The following RPN1 variants were observed in gnomAD, a reference collection of about 807,000 sequenced individuals.
RPN1 encodes ribophorin I, also known as dolichyl-diphosphooligosaccharide--protein glycosyltransferase subunit 1.
Under a neutral mutation model 55.5 loss-of-function variants are expected in RPN1, and 12 were observed. That is an observed-to-expected ratio of 0.22 (90% CI 0.14 to 0.35). The LOEUF is 0.35. Ranked by LOEUF, RPN1 falls within the 10% of genes least tolerant of loss-of-function variation. The probability of loss-of-function intolerance (pLI) is 1.00; values close to 1 mark genes in which losing one functional copy is unlikely to be tolerated. For synonymous variants in RPN1, 317 were observed against 305.9 expected (o/e 1.04, Z -0.38); for missense variants, 679 against 761.3 (o/e 0.89, Z 1.27).
chr3:128,630,372 A>T (rs907171530), intron 4 of RPN1, among the ~76,000 whole-genome samples: 1 of 152,266 alleles, frequency 6.6e-6, no homozygotes, highest in Admixed American at 6.5e-5. Flanking sequence ...TAAATAATTA[A>T]GGGAAATGCA....
At chr3:128,629,898 A>AC (rs2069629351) in intron 5 of RPN1, 53 bp downstream of exon 5, 1 of 1,080,834 alleles carries the variant, frequency 9.3e-7, no homozygotes, top group African/African-American at 1.6e-5. Flanking sequence ...GAAAGAAAAA[A>AC]ATTCACGAAA....
intron 3 of RPN1, among the ~76,000 whole-genome samples, chr3:128,636,756 C>T (rs2069684931): frequency 6.6e-6 from 1 of 152,080 alleles, no homozygotes; most frequent in Non-Finnish European, 1.5e-5. Context: ...ACTATGTTGC[C>T]CAGACTGGTC....
chr3:128,620,338 C>G lies in RPN1; in HGVS notation c.*73G>C. On this transcript the variant is annotated 3_prime_UTR_variant, in exon 10 of 10. Transcript: ENST00000296255. Reference sequence around the variant, plus strand: ...TTTCACTGGCCTCCATGCACAACCTCCCACTACCACCCAATCTGCCTGCCA... The same window carrying G: ...TTTCACTGGCCTCCATGCACAACCTGCCACTACCACCCAATCTGCCTGCCA... 3 of 1,448,900 alleles carry G rather than the reference C, an allele frequency of 2.1e-6. 1 individual carries two copies. In the South Asian group the frequency reaches 4.0e-5, roughly 20 times the overall value. The allele number at this position is 1,448,900 out of a possible 1,614,324, so 89.8% of individuals were successfully genotyped here. A position where few individuals can be genotyped will look rare whatever the true frequency, so the allele number is the denominator to read the frequency against.
intron 6 of RPN1, among the ~76,000 whole-genome samples, 183 bp from the exon 7 acceptor site, chr3:128,626,195 A>G (rs942025060): frequency 6.6e-6 from 1 of 152,144 alleles, no homozygotes; most frequent in Non-Finnish European, 1.5e-5. Flanking sequence ...CAGTGCCAGA[A>G]AGCCCTTTGT....
chr3:128,642,741 G>A (rs2069735394), intron 2 of RPN1, among the ~76,000 whole-genome samples: 1 of 151,922 alleles, frequency 6.6e-6, no homozygotes, highest in South Asian at 2.1e-4. Flanking sequence ...GAAAAAAAGG[G>A]GTCAGGCGCA....
chr3:128,623,923 T>C (rs1200945955), intron 8 of RPN1, among the ~76,000 whole-genome samples: 1 of 151,854 alleles, frequency 6.6e-6, no homozygotes, highest in Non-Finnish European at 1.5e-5. Flanking sequence ...ACACACATGC[T>C]CAACTATTCA....
At chr3:128,642,035 A>G (rs896796756) in intron 2 of RPN1, among the ~76,000 whole-genome samples, 1 of 152,222 alleles carries the variant, frequency 6.6e-6, no homozygotes, top group Non-Finnish European at 1.5e-5. Flanking sequence ...AAAGATGCAA[A>G]AAGCACAGTC....
intron 2 of RPN1, among the ~76,000 whole-genome samples, chr3:128,639,558 GT>G: frequency 6.6e-6 from 1 of 151,552 alleles, no homozygotes; most frequent in South Asian, 2.1e-4. Context: ...AATAAGTTTA[GT>G]TTGTCTTTTC....
At chr3:128,628,596 T>C (rs966757410) in intron 5 of RPN1, among the ~76,000 whole-genome samples, 2 of 150,792 alleles carry the variant, frequency 1.3e-5, no homozygotes, top group Admixed American at 1.3e-4. Flanking sequence ...AAAATTTTTT[T>C]GTAGAGACCC....
At chr3:128,639,840 G>A (rs1228603847) in intron 2 of RPN1, among the ~76,000 whole-genome samples, 2 of 152,110 alleles carry the variant, frequency 1.3e-5, no homozygotes. Context: ...ACCCGCCTCG[G>A]GCTCCCAAAG....
Position 128,630,029 on chromosome 3 carries a change from A to G in RPN1, c.958T>C (p.Phe320Leu). 6.2e-7 allele frequency: 1 copy of G among 1,613,896 alleles called. No individual in the cohort carries two copies. Among genetic ancestry groups the G allele is most frequent in the Non-Finnish European group, 8.5e-7 (1 of 1,179,742 alleles). ...GTCTTCCACCCGCCAAAGAGAGGGA[A>G]GCGAGGCCGGATTTCCATCTCTACA... is the stretch of plus-strand genomic sequence containing the variant. ...DSVEMEIRPR[F>L]PLFGGWKTHY... The change falls in exon 5 of 10, where the codon TTC (phenylalanine) becomes CTC (leucine). Residue 320 changes from phenylalanine (F) to leucine (L), a missense_variant. Phe to Leu is a conservative substitution (Grantham distance 22). This residue lies in a region of RPN1 where 306 missense variants were observed against 360.0 expected (regional missense o/e 0.85). Coordinates refer to ENST00000296255, the MANE Select transcript of RPN1 (RefSeq NM_002950.4).
At chr3:128,630,894 A>G (rs1241026998) in intron 4 of RPN1, among the ~76,000 whole-genome samples, 3 of 145,036 alleles carry the variant, frequency 2.1e-5, no homozygotes, top group Non-Finnish European at 4.5e-5. Context: ...CGGGCGGATC[A>G]CAAGGTCAGA....
At chr3:128,628,262 C>A (rs2069615440) in intron 5 of RPN1, among the ~76,000 whole-genome samples, 2 of 131,808 alleles carry the variant, frequency 1.5e-5, no homozygotes, top group African/African-American at 5.7e-5. Flanking sequence ...GATCGCTCCA[C>A]TGCACTCCAG....
intron 4 of RPN1, among the ~76,000 whole-genome samples, chr3:128,631,173 C>A (rs1482371570): frequency 1.3e-5 from 2 of 149,604 alleles, no homozygotes; most frequent in Non-Finnish European, 3.0e-5. Context: ...GTAATCCCAG[C>A]ACTTTGAGAG....
chr3:128,643,890 G>A (rs966352030), intron 2 of RPN1, among the ~76,000 whole-genome samples: 19 of 151,654 alleles, frequency 1.3e-4, no homozygotes, highest in Non-Finnish European at 2.4e-4. Flanking sequence ...TTGAACCATC[G>A]CACCACTGCA....
chr3:128,624,144 T>G (rs2069581170), intron 8 of RPN1, among the ~76,000 whole-genome samples: 1 of 152,102 alleles, frequency 6.6e-6, no homozygotes, highest in Non-Finnish European at 1.5e-5. Context: ...TTGGTTTCAG[T>G]TCCCTCAAAC....
intron 1 of RPN1, among the ~76,000 whole-genome samples, chr3:128,649,517 A>C (rs532741706): frequency 8.5e-5 from 13 of 152,252 alleles, no homozygotes; most frequent in Non-Finnish European, 1.9e-4. Context: ...TAATCTCTAT[A>C]AACCCATCTT....
intron 3 of RPN1, among the ~76,000 whole-genome samples, chr3:128,636,497 A>G (rs2069683218): frequency 7.1e-6 from 1 of 141,160 alleles, no homozygotes; most frequent in Non-Finnish European, 1.6e-5. Flanking sequence ...AAAAAAAAAA[A>G]AGAAACAATT....
intron 2 of RPN1, chr3:128,642,186 A>T (rs2069730432): frequency 6.6e-6 from 1 of 152,210 alleles, no homozygotes; most frequent in Non-Finnish European, 1.5e-5. Flanking sequence ...ATAGCGACTT[A>T]TTTAAAGCTA....
Sources: gnomAD v4.1 joint callset for allele counts (sites outside exome capture counted in the v4.1 genomes callset) on GRCh38, gnomAD v4.1.1 for gene constraint, gnomAD v4.1.1 regional missense constraint, MANE v1.5 for transcripts, NCBI Gene and HGNC (gene_info 2026-07-23, HGNC 2026-07-21) for gene names.